Variants in TTLL9 observed in about 807,000 individuals in gnomAD.
TTLL9 encodes tubulin tyrosine ligase like 9, also known as probable tubulin polyglutamylase TTLL9.
In TTLL9, 47 loss-of-function variants were observed where a neutral mutation model predicts 65.6. The observed-to-expected ratio is 0.72, with a 90% CI of 0.57 to 0.91. TTLL9 has a LOEUF of 0.91. TTLL9 is among the 40% of genes least tolerant of loss of function. The pLI is 0.00. For missense variants in TTLL9, 537 were observed against 568.8 expected (o/e 0.94, Z 0.57); for synonymous variants, 179 against 204.8 (o/e 0.87, Z 1.07).
chr20:31,871,678 A>G (rs2062935545), intron 2 of TTLL9, among the ~76,000 whole-genome samples: 1 of 152,186 alleles, frequency 6.6e-6, no homozygotes, highest in African/African-American at 2.4e-5. Context: ...CAGCTCTCAT[A>G]AAAGCCCAGA....
At chr20:31,913,394 T>A (rs2063685942) in intron 6 of TTLL9, among the ~76,000 whole-genome samples, 1 of 152,074 alleles carries the variant, frequency 6.6e-6, no homozygotes, top group Admixed American at 6.6e-5. Context: ...GAGAGAGTGT[T>A]AAAAACAGAA....
At chr20:31,937,302 G>C in intron 12 of TTLL9, 94 bp from the exon 13 acceptor site, 1 of 767,180 alleles carries the variant, frequency 1.3e-6, no homozygotes, top group Middle Eastern at 2.4e-4. Context: ...TGAATTGACG[G>C]TGGGGTCCAT....
At chr20:31,892,478 T>C (rs73243511) in intron 3 of TTLL9, among the ~76,000 whole-genome samples, 16,703 of 152,064 alleles carry the variant, frequency 0.11, 1,012 homozygotes, top group Middle Eastern at 0.23. Flanking sequence ...CCCAACATTT[T>C]TGTGAGTTAT....
intron 14 of TTLL9, among the ~76,000 whole-genome samples, chr20:31,941,465 T>C (rs916331101): frequency 2.7e-4 from 41 of 152,222 alleles, no homozygotes; most frequent in African/African-American, 9.9e-4. Context: ...TACTGACGCC[T>C]GCCAGATCAA....
intron 3 of TTLL9, among the ~76,000 whole-genome samples, chr20:31,887,855 C>CCTCCTCTCTTCTCTT (rs2063215398): frequency 8.7e-6 from 1 of 114,926 alleles, no homozygotes; most frequent in Non-Finnish European, 1.8e-5. Flanking sequence ...TATCTCCTCT[C>CCTCCTCTCTTCTCTT]CTCTTCTCTT....
At chr20:31,892,865 C>A (rs926670962) in intron 3 of TTLL9, among the ~76,000 whole-genome samples, 1 of 152,204 alleles carries the variant, frequency 6.6e-6, no homozygotes, top group Non-Finnish European at 1.5e-5. Context: ...TCTGTTTGCT[C>A]CCCTCTGATC....
intron 10 of TTLL9, among the ~76,000 whole-genome samples, chr20:31,933,473 C>T (rs575888460): frequency 8.6e-5 from 13 of 151,914 alleles, no homozygotes; most frequent in Non-Finnish European, 1.6e-4. Flanking sequence ...AAAGAAAAAC[C>T]GTAGTATAAT....
chr20:31,917,057 G>T (rs2063745826), intron 6 of TTLL9, among the ~76,000 whole-genome samples: 1 of 152,162 alleles, frequency 6.6e-6, no homozygotes, highest in African/African-American at 2.4e-5. Flanking sequence ...CTAGACCAAA[G>T]CATATGAACC....
intron 6 of TTLL9, among the ~76,000 whole-genome samples, chr20:31,911,674 C>T (rs1009314814): frequency 3.3e-5 from 5 of 152,196 alleles, no homozygotes; most frequent in Non-Finnish European, 5.9e-5. Context: ...CAGCTCCCAG[C>T]ATTATCCTCT....
intron 2 of TTLL9, among the ~76,000 whole-genome samples, chr20:31,876,679 G>C (rs754266863): frequency 9.2e-5 from 14 of 152,274 alleles, no homozygotes; most frequent in African/African-American, 3.4e-4. Flanking sequence ...ATATCGTCTA[G>C]TAGTGGAATA....
At chr20:31,890,151 TTCC>T (rs1387884633) in intron 3 of TTLL9, among the ~76,000 whole-genome samples, 97 of 114,522 alleles carry the variant, frequency 8.5e-4, no homozygotes, top group East Asian at 5.3e-3. Flanking sequence ...CCTTCCTTCC[TTCC>T]TTCTTTCTTT....
chr20:31,893,482 G>A (rs1299412129), intron 3 of TTLL9, among the ~76,000 whole-genome samples: 3 of 151,852 alleles, frequency 2.0e-5, no homozygotes, highest in African/African-American at 7.3e-5. Context: ...GTAGAGACCA[G>A]ATTTCTCCAT....
chr20:31,889,918 A>G (rs1330945109), intron 3 of TTLL9, among the ~76,000 whole-genome samples: 4 of 151,844 alleles, frequency 2.6e-5, no homozygotes, highest in Admixed American at 2.6e-4. Context: ...TCCAGCCTTC[A>G]TGTCATGATC....
At chr20:31,891,205 C>G (rs1175112188) in intron 3 of TTLL9, among the ~76,000 whole-genome samples, 1 of 152,152 alleles carries the variant, frequency 6.6e-6, no homozygotes, top group African/African-American at 2.4e-5. Flanking sequence ...GTTGCCAAAA[C>G]TTGGACCTTT....
Position 31,919,952 on chromosome 20 carries a change from C to A in TTLL9, c.573+20C>A. The stretch of plus-strand genomic sequence containing the variant: ...AGGAAGGTGAGCCTGCCTCTTCCCC[C>A]TTCCTCCCTGAACCCTCCTCTGACC... On this transcript the variant is annotated intron_variant, in intron 7 of 14. Coordinates refer to ENST00000535842, the MANE Select transcript of TTLL9 (RefSeq NM_001008409.5). 6.4e-7 allele frequency: 1 copy of A among 1,571,190 alleles called. No individual in the cohort carries two copies. The highest frequency in any genetic ancestry group is 8.6e-7 in the Non-Finnish European group (1 of 1,159,884).
At chr20:31,907,985 C>T (rs1410333715) in intron 4 of TTLL9, among the ~76,000 whole-genome samples, 1 of 152,290 alleles carries the variant, frequency 6.6e-6, no homozygotes, top group South Asian at 2.1e-4. Flanking sequence ...TTTCCTCTCC[C>T]TGGCATGGTG....
chr20:31,921,991 G>A (rs1403916910), intron 7 of TTLL9, among the ~76,000 whole-genome samples: 8 of 151,888 alleles, frequency 5.3e-5, no homozygotes, highest in South Asian at 2.1e-4. Context: ...ATTGTGGGTC[G>A]GGCGTGGTGG....
intron 3 of TTLL9, among the ~76,000 whole-genome samples, chr20:31,895,823 ATTTATTT>A (rs2063377682): frequency 2.7e-5 from 2 of 74,352 alleles, no homozygotes; most frequent in African/African-American, 1.4e-4. Context: ...GTATTTATTT[ATTTATTT>A]ATTTATTTAT....
At chr20:31,872,579 CCACTTGAGCCCAGGCGGAGGAGGAT>C (rs991250800) in intron 2 of TTLL9, among the ~76,000 whole-genome samples, 2 of 151,690 alleles carry the variant, frequency 1.3e-5, no homozygotes, top group African/African-American at 4.8e-5. Flanking sequence ...AGTGGGAGGA[CCACTTGAGCCCAGGCGGAGGAGGAT>C]CACTTGAGCC....
Sources: allele counts gnomAD v4.1 joint callset (sites outside exome capture counted in the v4.1 genomes callset), GRCh38; gene constraint gnomAD v4.1.1; transcripts MANE v1.5; gene names NCBI Gene and HGNC (gene_info 2026-07-23, HGNC 2026-07-21).